Variants in SGCZ observed in about 807,000 individuals in gnomAD.
SGCZ encodes the protein zeta-sarcoglycan.
SGCZ carries 40 observed loss-of-function variants against 41.3 expected under a neutral mutation model. That is an observed-to-expected ratio of 0.97 (90% CI 0.75 to 1.26). The LOEUF is 1.26. SGCZ is among the 50% of genes most tolerant of loss of function. SGCZ has a pLI of 0.00. For synonymous variants in SGCZ, 206 were observed against 137.5 expected, an observed-to-expected ratio of 1.50 and a Z score of -3.49; for missense variants, 552 against 369.8, an observed-to-expected ratio of 1.49 and a Z score of -4.04.
intron 1 of SGCZ, among the ~76,000 whole-genome samples, chr8:14,972,842 A>G (rs1438669952): frequency 6.6e-6 from 1 of 152,164 alleles, no homozygotes; most frequent in Non-Finnish European, 1.5e-5. Context: ...TATAAATTCT[A>G]CTCTACATTA....
intron 2 of SGCZ, among the ~76,000 whole-genome samples, chr8:14,546,891 G>T (rs1309638660): frequency 2.0e-5 from 3 of 152,096 alleles, no homozygotes; most frequent in Non-Finnish European, 4.4e-5. Flanking sequence ...TTGTTCATCA[G>T]TGTGACCTTG....
At chr8:15,161,008 G>C (rs1381209814) in intron 1 of SGCZ, among the ~76,000 whole-genome samples, 1 of 152,070 alleles carries the variant, frequency 6.6e-6, no homozygotes, top group Non-Finnish European at 1.5e-5. Flanking sequence ...TTCATCTTAA[G>C]TCAAATCATG....
chr8:14,611,722 G>C (rs1805936083), intron 1 of SGCZ, among the ~76,000 whole-genome samples: 1 of 152,096 alleles, frequency 6.6e-6, no homozygotes, highest in Non-Finnish European at 1.5e-5. Context: ...TCCATATGTA[G>C]TTGAAATCCT....
intron 5 of SGCZ, among the ~76,000 whole-genome samples, chr8:14,135,758 C>G (rs1365967287): frequency 1.3e-5 from 2 of 151,878 alleles, no homozygotes; most frequent in Non-Finnish European, 2.9e-5. Context: ...TACATATCTT[C>G]CAAAAAACAG....
At chr8:14,598,213 G>C (rs572866137) in intron 1 of SGCZ, among the ~76,000 whole-genome samples, 1 of 151,626 alleles carries the variant, frequency 6.6e-6, no homozygotes, top group Non-Finnish European at 1.5e-5. Flanking sequence ...ATTTCAAGTG[G>C]GGCATTTTTT....
Position 14,197,994 on chromosome 8 carries a change from C to T in SGCZ, c.425-33292G>A, listed in dbSNP as rs570300701. Among the ~76,000 whole-genome samples, 47 of 152,238 alleles carry T rather than the reference C, an allele frequency of 3.1e-4. 1 individual carries two copies. Among genetic ancestry groups the T allele is most frequent in the African/African-American group, 1.1e-3 (46 of 41,538 alleles). ...AATATACCAAAAATTAATTGTGTAT[C>T]TTTACACTGGAAAGGGATTATTAGG... On this transcript the variant is annotated intron_variant, in intron 4 of 7. Transcript: ENST00000382080.
chr8:14,346,989 T>C, intron 2 of SGCZ, among the ~76,000 whole-genome samples: 1 of 152,108 alleles, frequency 6.6e-6, no homozygotes, highest in East Asian at 1.9e-4. Context: ...TTAATTTTCA[T>C]AATAAAATGC....
chr8:14,269,603 G>C (rs909484132), intron 3 of SGCZ, among the ~76,000 whole-genome samples: 3 of 152,140 alleles, frequency 2.0e-5, no homozygotes, highest in African/African-American at 7.2e-5. Context: ...ATGTGACCCA[G>C]ATTGCCTTTG....
chr8:14,882,063 G>A (rs75601366), intron 1 of SGCZ, among the ~76,000 whole-genome samples: 4,749 of 152,268 alleles, frequency 0.031, 122 homozygotes, highest in Non-Finnish European at 0.048. Flanking sequence ...TTTCTGGGAC[G>A]CAGCAAAAGC....
chr8:14,263,470 A>T (rs1799751019), intron 3 of SGCZ, among the ~76,000 whole-genome samples: 1 of 152,048 alleles, frequency 6.6e-6, no homozygotes, highest in Admixed American at 6.5e-5. Context: ...AATCACTTGA[A>T]CCCAGGAGGC....
intron 2 of SGCZ, among the ~76,000 whole-genome samples, chr8:14,442,053 C>G (rs559893107): frequency 6.6e-6 from 1 of 152,180 alleles, no homozygotes. Flanking sequence ...AGGCCATAAC[C>G]AGAGACATTC....
chr8:14,920,719 C>T (rs1799564515), intron 1 of SGCZ, among the ~76,000 whole-genome samples: 1 of 152,138 alleles, frequency 6.6e-6, no homozygotes, highest in African/African-American at 2.4e-5. Context: ...AAAACTGTAA[C>T]AGGAATTACT....
chr8:14,372,472 T>G (rs1803950273), intron 2 of SGCZ, among the ~76,000 whole-genome samples: 1 of 152,068 alleles, frequency 6.6e-6, no homozygotes, highest in African/African-American at 2.4e-5. Context: ...AACTTACATT[T>G]TGGTGAGGTG....
chr8:14,826,240 A>G (rs1802309028), intron 1 of SGCZ, among the ~76,000 whole-genome samples: 1 of 152,018 alleles, frequency 6.6e-6, no homozygotes, highest in Non-Finnish European at 1.5e-5. Context: ...AGCTTCATCC[A>G]TGTCCCTACA....
intron 1 of SGCZ, among the ~76,000 whole-genome samples, chr8:15,140,758 T>C (rs1202532489): frequency 6.6e-6 from 1 of 152,228 alleles, no homozygotes; most frequent in East Asian, 1.9e-4. Flanking sequence ...TTATCTATTA[T>C]CCATCAAGAC....
intron 5 of SGCZ, among the ~76,000 whole-genome samples, chr8:14,117,279 G>A (rs1585149583): frequency 1.3e-5 from 2 of 151,704 alleles, no homozygotes. Context: ...TTTACATTTT[G>A]GGAATCCCTT....
chr8:14,426,201 A>T (rs906624111), intron 2 of SGCZ, among the ~76,000 whole-genome samples: 2 of 152,172 alleles, frequency 1.3e-5, no homozygotes, highest in African/African-American at 4.8e-5. Context: ...AATTTCTAGT[A>T]AATGGAGACA....
At chr8:14,209,524 G>C (rs375345943) in intron 4 of SGCZ, among the ~76,000 whole-genome samples, 1 of 151,770 alleles carries the variant, frequency 6.6e-6, no homozygotes, top group Non-Finnish European at 1.5e-5. Context: ...CATAAGAAGT[G>C]CTTAATAATT....
At chr8:14,962,203 T>G (rs1279445692) in intron 1 of SGCZ, among the ~76,000 whole-genome samples, 1 of 152,156 alleles carries the variant, frequency 6.6e-6, no homozygotes, top group Non-Finnish European at 1.5e-5. Context: ...TGATTTATTT[T>G]TCCAAATCTC....
Sources: gnomAD v4.1 joint callset for allele counts (sites outside exome capture counted in the v4.1 genomes callset) on GRCh38, gnomAD v4.1.1 for gene constraint, MANE v1.5 for transcripts, NCBI Gene and HGNC (gene_info 2026-07-23, HGNC 2026-07-21) for gene names.